PALM2AKAP2: variants seen among roughly 807,000 people sequenced by gnomAD.
PALM2AKAP2 encodes PALM2-AKAP2 fusion protein.
Under a neutral mutation model 71.5 loss-of-function variants are expected in PALM2AKAP2, and 37 were observed. The observed-to-expected ratio is 0.52, with a 90% CI of 0.40 to 0.68. PALM2AKAP2 has a LOEUF of 0.68. PALM2AKAP2 is among the 30% of genes least tolerant of loss of function. PALM2AKAP2 has a pLI of 0.00. For synonymous variants in PALM2AKAP2, 468 were observed against 478.8 expected (o/e 0.98, Z 0.29); for missense variants, 1,224 against 1,191.8 (o/e 1.03, Z -0.40).
At chr9:109,780,328 C>A (rs2118790067), upstream of PALM2AKAP2, 1 of 1,435,060 alleles carries the variant, frequency 7.0e-7, no homozygotes, top group South Asian at 1.5e-5. Context: ...GCCCGCCGTG[C>A]GCACAGCTCT....
At chr9:109,898,437 C>A (rs1313074853) in intron 3 of PALM2AKAP2, among the ~76,000 whole-genome samples, 1 of 152,194 alleles carries the variant, frequency 6.6e-6, no homozygotes, top group African/African-American at 2.4e-5. Context: ...GTGCTAAATT[C>A]ATGCTTCTTA....
chr9:110,035,290 A>G (rs560913201), intron 7 of PALM2AKAP2, among the ~76,000 whole-genome samples: 1 of 70,794 alleles, frequency 1.4e-5, no homozygotes, highest in East Asian at 4.1e-4. Flanking sequence ...TACATATTGT[A>G]CATATGTATA....
intron 1 of PALM2AKAP2, among the ~76,000 whole-genome samples, chr9:109,693,563 T>G (rs1485972271): frequency 6.6e-6 from 1 of 152,024 alleles, no homozygotes; most frequent in African/African-American, 2.4e-5. Flanking sequence ...TAAACTTATC[T>G]TCTCTAATAT....
At chr9:109,984,267 T>G (rs1335782104) in intron 6 of PALM2AKAP2, among the ~76,000 whole-genome samples, 2 of 152,198 alleles carry the variant, frequency 1.3e-5, no homozygotes, top group Non-Finnish European at 2.9e-5. Context: ...TCTTTGTATT[T>G]GTAATTATTG....
intron 1 of PALM2AKAP2, among the ~76,000 whole-genome samples, chr9:109,821,210 G>C (rs1300283207): frequency 6.6e-6 from 1 of 152,166 alleles, no homozygotes; most frequent in Non-Finnish European, 1.5e-5. Context: ...TCAGTCTGTA[G>C]AGTAGGTGCT....
intron 1 of PALM2AKAP2, among the ~76,000 whole-genome samples, chr9:109,706,657 C>A (rs1325980406): frequency 1.3e-5 from 2 of 152,138 alleles, no homozygotes; most frequent in African/African-American, 4.8e-5. Flanking sequence ...AGAAACAACA[C>A]AAATGTCTGT....
At chr9:109,705,934 C>A (rs1159517838) in intron 1 of PALM2AKAP2, among the ~76,000 whole-genome samples, 1 of 152,148 alleles carries the variant, frequency 6.6e-6, no homozygotes, top group Non-Finnish European at 1.5e-5. Context: ...CACTATAATT[C>A]CCCAATCCTT....
intron 2 of PALM2AKAP2, 136 bp downstream of exon 2, chr9:109,867,707 T>G: frequency 3.0e-6 from 3 of 995,014 alleles, no homozygotes; most frequent in Non-Finnish European, 4.2e-6. Flanking sequence ...CAGGAAACCA[T>G]CTCTTGGCTT....
At chr9:109,879,727 C>T (rs1219144670) in intron 2 of PALM2AKAP2, among the ~76,000 whole-genome samples, 25 of 144,512 alleles carry the variant, frequency 1.7e-4, no homozygotes, top group African/African-American at 5.7e-4. Context: ...GACAGGGTCT[C>T]GTTCTATCAC....
At chr9:110,159,537 T>C (rs1375569531) in intron 3 of PALM2AKAP2, among the ~76,000 whole-genome samples, 1 of 152,268 alleles carries the variant, frequency 6.6e-6, no homozygotes, top group Non-Finnish European at 1.5e-5. Flanking sequence ...TTATTTTTTA[T>C]TCTTTTTAAG....
At chr9:109,693,792 T>C (rs183711099) in intron 1 of PALM2AKAP2, among the ~76,000 whole-genome samples, 144 of 152,206 alleles carry the variant, frequency 9.5e-4, no homozygotes, top group African/African-American at 3.2e-3. Context: ...TTCAATTCCA[T>C]TGTGGTAAAA....
At chr9:109,729,025 T>G (rs1268698363) in intron 1 of PALM2AKAP2, among the ~76,000 whole-genome samples, 4 of 152,218 alleles carry the variant, frequency 2.6e-5, no homozygotes, top group Non-Finnish European at 5.9e-5. Flanking sequence ...GAGATTTATT[T>G]TGGTCTCTGT....
chr9:109,773,072 C>T (rs560342685), intron 1 of PALM2AKAP2, among the ~76,000 whole-genome samples: 8 of 151,966 alleles, frequency 5.3e-5, no homozygotes, highest in Non-Finnish European at 1.0e-4. Context: ...GAGCCAAGAT[C>T]GTGCCACTGC....
At chr9:110,092,445 T>C (rs1834735580) in intron 1 of PALM2AKAP2, among the ~76,000 whole-genome samples, 1 of 152,228 alleles carries the variant, frequency 6.6e-6, no homozygotes, top group African/African-American at 2.4e-5. Flanking sequence ...TGTAGAACTG[T>C]GTAATGTATT....
intron 1 of PALM2AKAP2, among the ~76,000 whole-genome samples, chr9:109,675,671 G>A (rs1315813038): frequency 2.6e-5 from 4 of 152,074 alleles, no homozygotes; most frequent in Non-Finnish European, 5.9e-5. Context: ...TTCTACTTTA[G>A]CATCCCTATC....
intron 3 of PALM2AKAP2, among the ~76,000 whole-genome samples, chr9:109,919,741 G>A (rs935777579): frequency 0.015 from 2,266 of 147,734 alleles, 48 homozygotes; most frequent in African/African-American, 0.051. Context: ...ACATATGTGT[G>A]TGTGTGTGTG....
chr9:109,760,914 T>G (rs1296152538), intron 1 of PALM2AKAP2, among the ~76,000 whole-genome samples: 1 of 152,224 alleles, frequency 6.6e-6, no homozygotes, highest in Non-Finnish European at 1.5e-5. Context: ...CACAAATGAT[T>G]TCTCAATTCC....
chr9:109,770,485 T>C (rs1252968776), intron 1 of PALM2AKAP2, among the ~76,000 whole-genome samples: 1 of 152,214 alleles, frequency 6.6e-6, no homozygotes, highest in African/African-American at 2.4e-5. Flanking sequence ...AACCACACAG[T>C]AGAACACTTT....
intron 1 of PALM2AKAP2, among the ~76,000 whole-genome samples, chr9:109,793,730 C>T (rs1827178033): frequency 6.6e-6 from 1 of 152,164 alleles, no homozygotes; most frequent in Admixed American, 6.5e-5. Context: ...TTTCATAAGG[C>T]CTATGAGCAG....
Sources: allele counts gnomAD v4.1 joint callset (sites outside exome capture counted in the v4.1 genomes callset), GRCh38; gene constraint gnomAD v4.1.1; transcripts MANE v1.5; gene names NCBI Gene and HGNC (gene_info 2026-07-23, HGNC 2026-07-21).